RASGRF1: variants seen among roughly 807,000 people sequenced by gnomAD.
RASGRF1 encodes the protein Ras protein specific guanine nucleotide releasing factor 1.
In RASGRF1, 40 loss-of-function variants were observed where a neutral mutation model predicts 138.7. The ratio of observed to expected loss-of-function variants is 0.29; its 90% CI spans 0.22 to 0.38. The LOEUF is 0.38. Among genes scored for constraint, RASGRF1 ranks in the 10% least tolerant of loss-of-function variants. The probability of loss-of-function intolerance (pLI) is 1.00; values close to 1 mark genes in which losing one functional copy is unlikely to be tolerated. For missense variants in RASGRF1, 1,108 were observed against 1,650.4 expected, an observed-to-expected ratio of 0.67 and a Z score of 5.69; for synonymous variants, 614 against 663.2, an observed-to-expected ratio of 0.93 and a Z score of 1.14.
intron 24 of RASGRF1, chr15:78,978,595 G>A: frequency 2.0e-6 from 2 of 990,512 alleles, no homozygotes; most frequent in Non-Finnish European, 2.4e-6. Flanking sequence ...AGACCAACAT[G>A]GTGAGGCCCA....
intron 22 of RASGRF1, 41 bp downstream of exon 22, chr15:78,990,148 A>G: frequency 6.7e-7 from 1 of 1,482,810 alleles, no homozygotes; most frequent in Non-Finnish European, 9.4e-7. Context: ...GTCTTGCCAA[A>G]GAAAAACCCC....
chr15:78,985,374 A>G (rs2056130776), intron 22 of RASGRF1, 170 bp from the exon 23 acceptor site: 3 of 659,360 alleles, frequency 4.5e-6, no homozygotes, highest in East Asian at 5.6e-5. Context: ...GGTTCAATAT[A>G]CAAAAATGAA....
chr15:78,965,562 T>C (rs975134300), intron 26 of RASGRF1, among the ~76,000 whole-genome samples: 1 of 152,194 alleles, frequency 6.6e-6, no homozygotes, highest in Non-Finnish European at 1.5e-5. Context: ...AAGAATCTCA[T>C]GTGACCAGCC....
chr15:79,027,661 G>A lies in RASGRF1; in HGVS notation c.1381+80C>T. On this transcript the variant is annotated intron_variant, in intron 9 of 26. Coordinates refer to ENST00000558480, the MANE Select transcript of RASGRF1 (RefSeq NM_001145648.3). The surrounding 1 kb of genome is among the most constrained non-coding windows in gnomAD (Gnocchi z 4.8). ...GCATGTGGCAGCCAAACCAACTGGTGGCGTCCCCGAGTGCCGCCTCCCTCC... is the reference window on the plus strand; with the variant it reads ...GCATGTGGCAGCCAAACCAACTGGTAGCGTCCCCGAGTGCCGCCTCCCTCC... 1 of 1,311,396 alleles carries A rather than the reference G, an allele frequency of 7.6e-7. No homozygotes were observed. Among genetic ancestry groups the A allele is most frequent in the Non-Finnish European group, 1.1e-6 (1 of 921,188 alleles). The allele number at this position is 1,311,396 out of a possible 1,614,324, so 81.2% of individuals were successfully genotyped here. A position where few individuals can be genotyped will look rare whatever the true frequency, so the allele number is the denominator to read the frequency against.
intron 10 of RASGRF1, among the ~76,000 whole-genome samples, chr15:79,024,607 T>C (rs1399383259): frequency 6.6e-6 from 1 of 152,204 alleles, no homozygotes; most frequent in Non-Finnish European, 1.5e-5. Context: ...CATGCTATTC[T>C]TGTGATATTG....
intron 22 of RASGRF1, among the ~76,000 whole-genome samples, chr15:78,986,833 G>C (rs1018643156): frequency 3.3e-5 from 5 of 152,234 alleles, no homozygotes; most frequent in African/African-American, 1.2e-4. Context: ...CTTAAGAATG[G>C]AACTACTACT....
At chr15:79,053,804 G>A (rs1330240582) in intron 3 of RASGRF1, among the ~76,000 whole-genome samples, 4 of 152,314 alleles carry the variant, frequency 2.6e-5, no homozygotes, top group Non-Finnish European at 5.9e-5. Flanking sequence ...AGAGCCCCAG[G>A]CTTACAAGGG....
At chr15:79,011,893 G>A (rs1357722402) in intron 13 of RASGRF1, among the ~76,000 whole-genome samples, 2 of 152,082 alleles carry the variant, frequency 1.3e-5, no homozygotes, top group Non-Finnish European at 2.9e-5. Flanking sequence ...GTGCACGCCT[G>A]TAGTCCCAGC....
At chr15:78,972,281 A>G (rs1772980209) in intron 25 of RASGRF1, among the ~76,000 whole-genome samples, 1 of 151,814 alleles carries the variant, frequency 6.6e-6, no homozygotes, top group Admixed American at 6.6e-5. Context: ...TTTTTAGTAG[A>G]GATGGGGTTT....
At chr15:79,003,746 T>C (rs2056598979) in intron 15 of RASGRF1, 56 bp downstream of exon 15, 1 of 1,534,314 alleles carries the variant, frequency 6.5e-7, no homozygotes, top group South Asian at 1.3e-5. Context: ...TGGGCCAGGC[T>C]GAGCCTCAGT....
intron 4 of RASGRF1, among the ~76,000 whole-genome samples, chr15:79,048,617 C>T (rs148482858): frequency 4.6e-5 from 7 of 152,306 alleles, no homozygotes; most frequent in African/African-American, 1.4e-4. Flanking sequence ...TCTTGAGAAA[C>T]CAGAAATCCA....
At position 79,006,069 on chromosome 15, in the gene RASGRF1, C is replaced by G; in HGVS notation, c.2075+117G>C. 1 of 1,432,390 alleles carries G rather than the reference C, an allele frequency of 7.0e-7. No homozygotes were observed. The highest frequency in any genetic ancestry group is 9.5e-7 in the Non-Finnish European group (1 of 1,047,600). The allele number at this position is 1,432,390 out of a possible 1,614,324, so 88.7% of individuals were successfully genotyped here. Reference sequence around the variant, plus strand: ...GTGTGTGTCCCGCAGCACCCCAACACGTTACTGCTGCTCCTCCAGGGACCT... The same window carrying G: ...GTGTGTGTCCCGCAGCACCCCAACAGGTTACTGCTGCTCCTCCAGGGACCT... On this transcript the variant is annotated intron_variant, in intron 14 of 26. Coordinates refer to ENST00000558480, the MANE Select transcript of RASGRF1 (RefSeq NM_001145648.3). The surrounding 1 kb of genome is among the most constrained non-coding windows in gnomAD (Gnocchi z 4.0).
intron 26 of RASGRF1, among the ~76,000 whole-genome samples, chr15:78,963,923 T>G (rs1240716946): frequency 6.6e-6 from 1 of 152,162 alleles, no homozygotes; most frequent in East Asian, 1.9e-4. Flanking sequence ...CTAGAATGCA[T>G]GAATCTCTAC....
intron 11 of RASGRF1, among the ~76,000 whole-genome samples, chr15:79,018,406 T>C (rs2056911544): frequency 6.6e-6 from 1 of 152,254 alleles, no homozygotes; most frequent in Admixed American, 6.5e-5. Context: ...ATTCTAGGTA[T>C]TTTTGTTACT....
Position 79,032,983 on chromosome 15 carries a change from C to A in RASGRF1, c.959-667G>T, listed in dbSNP as rs1360414096. Among the ~76,000 whole-genome samples, 1 of 152,226 alleles carries A rather than the reference C, an allele frequency of 6.6e-6. No homozygotes were observed. The highest frequency in any genetic ancestry group is 1.5e-5 in the Non-Finnish European group (1 of 68,032). On this transcript the variant is annotated intron_variant, in intron 6 of 26. Transcript: ENST00000558480. The surrounding 1 kb of genome is among the most constrained non-coding windows in gnomAD (Gnocchi z 4.5). ...GCCGGCCTGGGGCTGGGTCTCCTGA[C>A]CTCCTGATTCCAGGGATTTCCTACC...
At chr15:78,971,994 T>C in intron 25 of RASGRF1, 60 bp from the exon 26 acceptor site, 8 of 1,430,502 alleles carry the variant, frequency 5.6e-6, no homozygotes, top group Non-Finnish European at 7.9e-6. Flanking sequence ...ACCCCCAACT[T>C]TGCAGAGCTG....
At position 79,004,193 on chromosome 15, in the gene RASGRF1, G is replaced by C; in HGVS notation, c.2076-18C>G. ...CCAGCGACCTGTGGGGAGGGCGGGGGTGAAAATGACAGTTAGCGTAGGCCT... is the reference window on the plus strand; with the variant it reads ...CCAGCGACCTGTGGGGAGGGCGGGGCTGAAAATGACAGTTAGCGTAGGCCT... On this transcript the variant is annotated intron_variant, in intron 14 of 26. Transcript: ENST00000558480. The C allele has an allele frequency of 6.5e-7, 1 of 1,546,562 alleles. No homozygotes were observed. The highest frequency in any genetic ancestry group is 8.7e-7 in the Non-Finnish European group (1 of 1,147,134).
At chr15:79,082,335 A>G (rs2057924905) in intron 1 of RASGRF1, among the ~76,000 whole-genome samples, 1 of 152,172 alleles carries the variant, frequency 6.6e-6, no homozygotes, top group Non-Finnish European at 1.5e-5. Flanking sequence ...CCTTCTGGGA[A>G]AAGCCAATGA....
chr15:78,982,231 C>T lies in RASGRF1; in HGVS notation c.3415-1532G>A, dbSNP rs76279602. On this transcript the variant is annotated intron_variant, in intron 23 of 26. Coordinates refer to ENST00000558480, the MANE Select transcript of RASGRF1 (RefSeq NM_001145648.3). ...AAGCTTGATCAGGAGGTCCCAGTGG[C>T]CATGCAGTTCTAGATGAAGTGTCAC... Among the ~76,000 whole-genome samples the T allele has an allele frequency of 3.6e-4, 55 of 152,290 alleles. No individual in the cohort carries two copies. The East Asian group carries it at 0.01, about 28-fold the overall frequency.
Sources: gnomAD v4.1 joint callset for allele counts (sites outside exome capture counted in the v4.1 genomes callset) on GRCh38, gnomAD v4.1.1 for gene constraint, Gnocchi (gnomAD v3.1) non-coding constraint, MANE v1.5 for transcripts, NCBI Gene and HGNC (gene_info 2026-07-23, HGNC 2026-07-21) for gene names.